MYO1D: variants seen among roughly 807,000 people sequenced by gnomAD.
MYO1D encodes unconventional myosin-Id.
Under a neutral mutation model 122.0 loss-of-function variants are expected in MYO1D, and 83 were observed. That is an observed-to-expected ratio of 0.68 (90% CI 0.57 to 0.82). The LOEUF is 0.82. Among genes scored for constraint, MYO1D ranks in the 40% least tolerant of loss-of-function variants. MYO1D has a pLI of 0.00. For missense variants in MYO1D, 1,157 were observed against 1,269.5 expected (o/e 0.91, Z 1.35); for synonymous variants, 464 against 446.9 (o/e 1.04, Z -0.48).
chr17:32,704,382 C>A (rs1243385845), intron 16 of MYO1D, among the ~76,000 whole-genome samples: 1 of 152,148 alleles, frequency 6.6e-6, no homozygotes, highest in Non-Finnish European at 1.5e-5. Context: ...GGTTTTCAGT[C>A]ATTCACAAAG....
intron 16 of MYO1D, among the ~76,000 whole-genome samples, chr17:32,686,046 T>C (rs898834305): frequency 6.6e-6 from 1 of 152,106 alleles, no homozygotes; most frequent in African/African-American, 2.4e-5. Context: ...TTAGCCAAAA[T>C]AGCCAACTGC....
intron 16 of MYO1D, among the ~76,000 whole-genome samples, chr17:32,672,646 C>T (rs1486005236): frequency 6.6e-6 from 1 of 152,004 alleles, no homozygotes; most frequent in African/African-American, 2.4e-5. Context: ...CCACCACACC[C>T]AGCTAATTTT....
At chr17:32,838,166 T>C (rs12452250) in intron 1 of MYO1D, among the ~76,000 whole-genome samples, 1 of 152,110 alleles carries the variant, frequency 6.6e-6, no homozygotes, top group African/African-American at 2.4e-5. Context: ...TTCTTAAAAT[T>C]AAAAAAATTA....
chr17:32,810,380 T>TC (rs533867753), intron 1 of MYO1D, among the ~76,000 whole-genome samples: 11 of 152,332 alleles, frequency 7.2e-5, no homozygotes, highest in African/African-American at 2.6e-4. Flanking sequence ...CTGGAGGATT[T>TC]CCCCTGGTAA....
chr17:32,763,850 G>A (rs1026504469), intron 8 of MYO1D, among the ~76,000 whole-genome samples: 1 of 152,192 alleles, frequency 6.6e-6, no homozygotes, highest in African/African-American at 2.4e-5. Flanking sequence ...AACCCGGGAG[G>A]TGGAGGTTGC....
At chr17:32,809,657 T>C (rs983613854) in intron 1 of MYO1D, among the ~76,000 whole-genome samples, 1 of 152,174 alleles carries the variant, frequency 6.6e-6, no homozygotes, top group Admixed American at 6.5e-5. Flanking sequence ...CAAGCTGGTC[T>C]CAAACTCCTG....
intron 21 of MYO1D, among the ~76,000 whole-genome samples, chr17:32,516,864 A>G (rs1374369743): frequency 6.6e-6 from 1 of 152,186 alleles, no homozygotes; most frequent in Non-Finnish European, 1.5e-5. Context: ...AAATAGACAC[A>G]TTTTCCCAAG....
chr17:32,744,178 A>G (rs909640877), intron 13 of MYO1D, among the ~76,000 whole-genome samples: 1 of 152,058 alleles, frequency 6.6e-6, no homozygotes, highest in African/African-American at 2.4e-5. Flanking sequence ...CTTGCTGTCA[A>G]TACACTCAAG....
chr17:32,608,611 G>A (rs915143395), intron 20 of MYO1D, among the ~76,000 whole-genome samples: 6 of 152,076 alleles, frequency 3.9e-5, no homozygotes, highest in Non-Finnish European at 5.9e-5. Context: ...AAAATTAAAT[G>A]GAAAATTACC....
chr17:32,674,493 T>C (rs2088775116), intron 16 of MYO1D, among the ~76,000 whole-genome samples: 1 of 152,198 alleles, frequency 6.6e-6, no homozygotes, highest in South Asian at 2.1e-4. Flanking sequence ...GTGCCATGCC[T>C]TGTCCTAGAC....
intron 15 of MYO1D, among the ~76,000 whole-genome samples, chr17:32,716,270 A>C (rs2150988820): frequency 6.6e-6 from 1 of 152,230 alleles, no homozygotes; most frequent in Non-Finnish European, 1.5e-5. Context: ...TATATCAACA[A>C]ACCCTCTACC....
intron 8 of MYO1D, among the ~76,000 whole-genome samples, chr17:32,761,659 C>T (rs917936506): frequency 2.0e-5 from 3 of 152,038 alleles, no homozygotes; most frequent in African/African-American, 2.4e-5. Flanking sequence ...TAATATGACT[C>T]CCAAAAGTAT....
intron 13 of MYO1D, among the ~76,000 whole-genome samples, chr17:32,743,514 T>C (rs888355411): frequency 1.3e-5 from 2 of 152,160 alleles, no homozygotes; most frequent in Non-Finnish European, 2.9e-5. Context: ...CCAGCAAATC[T>C]TGTCAACTCT....
chr17:32,602,784 T>C (rs976337097), intron 21 of MYO1D: 1 of 152,146 alleles, frequency 6.6e-6, no homozygotes, highest in Non-Finnish European at 1.5e-5. Flanking sequence ...TCCCGAACCT[T>C]TGGATTTCCA....
Position 32,745,214 on chromosome 17 carries a change from T to C in MYO1D, c.1610A>G (p.Asn537Ser). 2 of 1,480,912 alleles carry C rather than the reference T, an allele frequency of 1.4e-6. No individual in the cohort carries two copies. Among genetic ancestry groups the C allele is most frequent in the Non-Finnish European group, 1.9e-6 (2 of 1,066,754 alleles). 91.7% of individuals were successfully genotyped at this position (1,480,912 alleles called of 1,614,324 possible). A position where few individuals can be genotyped will look rare whatever the true frequency, so the allele number is the denominator to read the frequency against. Residue 537 changes from asparagine to serine, a missense_variant, in exon 13 of 22, where the codon AAC becomes AGC. Transcript: ENST00000318217. ...LFQDFKRLMY[N>S]SSNPVLKNMW... ...ATTAATAAAATTTCAATCTTACCTG[T>C]TATACATAAGGCGCTTGAAATCTTG...
chr17:32,663,207 G>A (rs771376305), intron 16 of MYO1D, among the ~76,000 whole-genome samples: 83 of 152,060 alleles, frequency 5.5e-4, no homozygotes, highest in Non-Finnish European at 9.6e-4. Context: ...GTGAGCCACC[G>A]CACCCGGCAA....
intron 1 of MYO1D, among the ~76,000 whole-genome samples, chr17:32,819,579 A>T (rs1351897860): frequency 1.3e-5 from 2 of 152,232 alleles, no homozygotes; most frequent in South Asian, 2.1e-4. Context: ...GAATGTCCAT[A>T]CTTTCATCAG....
chr17:32,596,007 G>A (rs2087488619), intron 21 of MYO1D, among the ~76,000 whole-genome samples: 1 of 152,306 alleles, frequency 6.6e-6, no homozygotes, highest in East Asian at 1.9e-4. Flanking sequence ...CAGCACTACA[G>A]AAAGGTGTCC....
At chr17:32,690,709 T>A (rs932452399) in intron 16 of MYO1D, among the ~76,000 whole-genome samples, 1 of 152,192 alleles carries the variant, frequency 6.6e-6, no homozygotes, top group Middle Eastern at 3.2e-3. Flanking sequence ...TGCCATGTGA[T>A]GCCTGCTCCC....
Sources: gnomAD v4.1 joint callset for allele counts (sites outside exome capture counted in the v4.1 genomes callset) on GRCh38, gnomAD v4.1.1 for gene constraint, MANE v1.5 for transcripts, NCBI Gene and HGNC (gene_info 2026-07-23, HGNC 2026-07-21) for gene names.